EFCAB6: variants seen among roughly 807,000 people sequenced by gnomAD.
EFCAB6 encodes EF-hand calcium binding domain 6.
EFCAB6 carries 156 observed loss-of-function variants against 169.8 expected under a neutral mutation model. The observed-to-expected ratio is 0.92, with a 90% CI of 0.81 to 1.05. The LOEUF (loss-of-function observed/expected upper bound fraction) is 1.05, where lower values mean the gene tolerates loss of function less well. EFCAB6 is among the 50% of genes least tolerant of loss of function. The pLI, the probability that EFCAB6 is intolerant of heterozygous loss-of-function variation, is 0.00. For synonymous variants in EFCAB6, 698 were observed against 676.4 expected, an observed-to-expected ratio of 1.03 and a Z score of -0.50; for missense variants, 1,800 against 1,829.1, an observed-to-expected ratio of 0.98 and a Z score of 0.29.
chr22:43,720,168 T>C (rs1339377392), intron 8 of EFCAB6, among the ~76,000 whole-genome samples: 1 of 33,256 alleles, frequency 3.0e-5, no homozygotes, highest in African/African-American at 1.1e-4. Flanking sequence ...TCAATAAAGA[T>C]GAAAAAAAAA....
chr22:43,713,149 T>C (rs2059218512), intron 9 of EFCAB6, among the ~76,000 whole-genome samples: 1 of 152,164 alleles, frequency 6.6e-6, no homozygotes. Context: ...CCTGGTCTTT[T>C]TCATCATACC....
rs538218061 is a variant in EFCAB6, at chr22:43,730,798, C to T, written c.757+901G>A. ...GGAACACGCTTTGCACAGCTCCTGG[C>T]ACAGGAGGCTTCGAAAACTAGAGCA... On this transcript the variant is annotated intron_variant, in intron 8 of 31. Transcript: ENST00000262726. 2.6e-5 allele frequency among the ~76,000 whole-genome samples: 4 copies of T among 152,242 alleles called. No individual in the cohort carries two copies. The South Asian group carries it at 6.2e-4, about 24-fold the overall frequency.
chr22:43,571,060 C>T (rs62226972), intron 26 of EFCAB6, among the ~76,000 whole-genome samples: 9,574 of 152,280 alleles, frequency 0.063, 363 homozygotes, highest in Admixed American at 0.097. Flanking sequence ...ACAGCAGGGG[C>T]AGGAAGCCCG....
In EFCAB6 at chr22:43,600,195, G is replaced by A. The variant is rs762875526; in HGVS notation, c.2750C>T (p.Ser917Leu). The change falls in exon 23 of 32, where the codon TCG becomes TTG. Residue 917 changes from serine (S) to leucine (L), a missense_variant. Coordinates refer to ENST00000262726, the MANE Select transcript of EFCAB6 (RefSeq NM_022785.4). ...TGCACAGGGCCGATGGACAGCAGGC[G>A]AATAGTTAATACCCAATTTCTGTAA... Reference protein sequence around the residue: ...EFLQKLGINYSPAVHRPCAED... With the variant: ...EFLQKLGINYLPAVHRPCAED... 6.2e-6 allele frequency: 10 copies of A among 1,614,084 alleles called. No individual in the cohort carries two copies. Among genetic ancestry groups the A allele is most frequent in the East Asian group, 4.5e-5 (2 of 44,886 alleles).
intron 1 of EFCAB6, among the ~76,000 whole-genome samples, chr22:43,810,537 G>C (rs1209722277): frequency 6.6e-6 from 1 of 152,128 alleles, no homozygotes; most frequent in South Asian, 2.1e-4. Context: ...CCAGATTCCT[G>C]ATCTGGGCAG....
At chr22:43,755,916 G>A (rs909911321) in intron 5 of EFCAB6, 84 bp from the exon 6 acceptor site, 3 of 1,248,698 alleles carry the variant, frequency 2.4e-6, no homozygotes, top group Middle Eastern at 2.7e-4. Context: ...AAAATTACAA[G>A]GATTTCCAAA....
intron 17 of EFCAB6, among the ~76,000 whole-genome samples, chr22:43,639,219 CT>C (rs1351407099): frequency 6.6e-6 from 1 of 152,196 alleles, no homozygotes; most frequent in Non-Finnish European, 1.5e-5. Context: ...TTTACCATTT[CT>C]AATGTTCTTT....
intron 17 of EFCAB6, among the ~76,000 whole-genome samples, chr22:43,636,832 G>A (rs1021919937): frequency 1.3e-5 from 2 of 151,696 alleles, no homozygotes; most frequent in Non-Finnish European, 2.9e-5. Flanking sequence ...GGATGGTCTC[G>A]ATCTCCTGAC....
In EFCAB6 at chr22:43,671,093, G is replaced by A. The variant is rs1211222436; in HGVS notation, c.1640+880C>T. On this transcript the variant is annotated intron_variant, in intron 15 of 31. Coordinates refer to ENST00000262726, the MANE Select transcript of EFCAB6 (RefSeq NM_022785.4). ...CCAGCTGCACAGTCTCAGCTCCTGA[G>A]AGGTGAGAGGCTGGTGGAGGGCCTG... Among the ~76,000 whole-genome samples, 9 of 152,382 alleles carry A rather than the reference G, an allele frequency of 5.9e-5. No individual in the cohort carries two copies. In the East Asian group the frequency reaches 1.5e-3, roughly 26 times the overall value.
At position 43,794,200 on chromosome 22, in the gene EFCAB6, T is replaced by C. The variant is rs150955900; in HGVS notation, c.-7-11875A>G. 2.5e-3 allele frequency among the ~76,000 whole-genome samples: 381 copies of C among 152,330 alleles called. 4 individuals are homozygous for C. Among genetic ancestry groups the C allele is most frequent in the African/African-American group, 8.8e-3 (366 of 41,580 alleles). On this transcript the variant is annotated intron_variant, in intron 2 of 31. Coordinates refer to ENST00000262726, the MANE Select transcript of EFCAB6 (RefSeq NM_022785.4). Reference sequence around the variant, plus strand: ...GGTTCATGTGTAAAGTTTCCCACTTTATATCAAAATGAAGTTAAAAGCCAG... The same window carrying C: ...GGTTCATGTGTAAAGTTTCCCACTTCATATCAAAATGAAGTTAAAAGCCAG...
intron 23 of EFCAB6, among the ~76,000 whole-genome samples, chr22:43,594,775 C>G (rs2051868582): frequency 6.6e-6 from 1 of 152,192 alleles, no homozygotes; most frequent in Non-Finnish European, 1.5e-5. Flanking sequence ...TGGTCTAGGT[C>G]TAATGGACCT....
chr22:43,638,708 G>C (rs1477798271), intron 17 of EFCAB6, among the ~76,000 whole-genome samples: 2 of 152,024 alleles, frequency 1.3e-5, no homozygotes, highest in Non-Finnish European at 1.5e-5. Flanking sequence ...ACTTTTCACA[G>C]TCTATTTAGA....
In EFCAB6 at chr22:43,628,322, C is replaced by T. The variant is rs1309454456; in HGVS notation, c.2233-1643G>A. On this transcript the variant is annotated intron_variant, in intron 19 of 31. Coordinates refer to ENST00000262726, the MANE Select transcript of EFCAB6 (RefSeq NM_022785.4). This position sits in a 1 kb window ranked among gnomAD's most constrained non-coding sequence, Gnocchi z 4.8. ...CCACATCCAGTCTGCCCACACATCC[C>T]GCTGGCTCTCCCTTCAGAGTGCATT... Among the ~76,000 whole-genome samples the T allele has an allele frequency of 3.3e-5, 5 of 152,228 alleles. No individual in the cohort carries two copies. Among genetic ancestry groups the T allele is most frequent in the South Asian group, 4.2e-4 (2 of 4,810 alleles).
At position 43,716,954 on chromosome 22, in the gene EFCAB6, T is replaced by C; in HGVS notation, c.776A>G (p.Gln259Arg). Reference sequence around the variant, plus strand: ...TTCCTTTTTGGAATTTTTGGCTTGTTGATTCTCCAACGAGACCTCTGTTGA... The same window carrying C: ...TTCCTTTTTGGAATTTTTGGCTTGTCGATTCTCCAACGAGACCTCTGTTGA... ...MGNQEVSLEN[Q>R]QAKNSKKERL... is the part of the protein sequence containing the mutation. The change falls in exon 9 of 32, where the codon CAA becomes CGA. Residue 259 changes from glutamine (Q) to arginine (R), a missense_variant. Physicochemically the swap from Gln to Arg is conservative, Grantham distance 43 (BLOSUM62 1). Transcript: ENST00000262726. 6.4e-7 allele frequency: 1 copy of C among 1,565,376 alleles called. No homozygotes were observed. The highest frequency in any genetic ancestry group is 8.6e-7 in the Non-Finnish European group (1 of 1,157,484).
At chr22:43,584,429 C>T (rs928586247) in intron 24 of EFCAB6, among the ~76,000 whole-genome samples, 7 of 152,252 alleles carry the variant, frequency 4.6e-5, no homozygotes, top group South Asian at 2.1e-4. Flanking sequence ...CCCAGTCTTA[C>T]GTACCTCCCC....
At chr22:43,664,232 G>A (rs1356297867) in intron 17 of EFCAB6, among the ~76,000 whole-genome samples, 2 of 152,188 alleles carry the variant, frequency 1.3e-5, no homozygotes, top group Non-Finnish European at 2.9e-5. Context: ...CTTCAAATGT[G>A]CGAATGCCCA....
chr22:43,807,089 C>T (rs887008075), intron 2 of EFCAB6, among the ~76,000 whole-genome samples: 1 of 152,208 alleles, frequency 6.6e-6, no homozygotes, highest in African/African-American at 2.4e-5. Context: ...GTGGACTCCA[C>T]TTACCTTTTT....
intron 31 of EFCAB6, among the ~76,000 whole-genome samples, chr22:43,529,511 C>T (rs979842884): frequency 3.3e-5 from 5 of 152,216 alleles, no homozygotes; most frequent in Admixed American, 1.3e-4. Flanking sequence ...TCCAGCTAAC[C>T]GGGAACATGT....
chr22:43,757,174 C>T lies in EFCAB6; in HGVS notation c.441-1342G>A, dbSNP rs554896006. On this transcript the variant is annotated intron_variant, in intron 5 of 31. Transcript: ENST00000262726. ...TGATCAGGAATTCAAATCTATAATGCTACGTTAAATGTAATCTCTTAAATA... is the reference window on the plus strand; with the variant it reads ...TGATCAGGAATTCAAATCTATAATGTTACGTTAAATGTAATCTCTTAAATA... Among the ~76,000 whole-genome samples, 247 of 152,316 alleles carry T rather than the reference C, an allele frequency of 1.6e-3. 3 individuals are homozygous for T. Among genetic ancestry groups the T allele is most frequent in the African/African-American group, 5.5e-3 (228 of 41,564 alleles).
Sources: allele counts gnomAD v4.1 joint callset (sites outside exome capture counted in the v4.1 genomes callset), GRCh38; gene constraint gnomAD v4.1.1; non-coding constraint Gnocchi (gnomAD v3.1); transcripts MANE v1.5; gene names NCBI Gene and HGNC (gene_info 2026-07-23, HGNC 2026-07-21).